The following CCDC141 variants were observed in gnomAD, a reference collection of about 807,000 sequenced individuals.
CCDC141 encodes coiled-coil domain containing 141.
A neutral mutation model predicts 181.0 loss-of-function variants in CCDC141; 168 were observed. That is an observed-to-expected ratio of 0.93 (90% CI 0.82 to 1.05). CCDC141 has a LOEUF of 1.05. CCDC141 is among the 50% of genes least tolerant of loss of function. The pLI, the probability that CCDC141 is intolerant of heterozygous loss-of-function variation, is 0.00. For missense variants in CCDC141, 1,902 were observed against 1,788.5 expected (o/e 1.06, Z -1.14); for synonymous variants, 666 against 642.3 (o/e 1.04, Z -0.56).
rs1236410024 is a variant in CCDC141 at position 178,833,591 on chromosome 2, C to T, written c.*582G>A. On this transcript the variant is annotated 3_prime_UTR_variant, in exon 24 of 24. Transcript: ENST00000443758. ...GGCACATCTATCCTCCAATGTCAAA[C>T]CCGTGAGAGCAACATGAGGAATGAT... 1 of 152,764 alleles carries T rather than the reference C, an allele frequency of 6.5e-6. No homozygotes were observed. The highest frequency in any genetic ancestry group is 1.5e-5 in the Non-Finnish European group (1 of 68,486). 9.5% of individuals were successfully genotyped at this position (152,764 alleles called of 1,614,324 possible). A position where few individuals can be genotyped will look rare whatever the true frequency, so the allele number is the denominator to read the frequency against.
chr2:178,913,891 A>G lies in CCDC141; in HGVS notation c.1092+4822T>C, dbSNP rs74810883. 6.1e-4 allele frequency among the ~76,000 whole-genome samples: 93 copies of G among 152,294 alleles called. 1 individual carries two copies. The highest frequency in any genetic ancestry group is 1.9e-3 in the African/African-American group (77 of 41,556). ...AAATGGAAGGCATAGGACACGATAC[A>G]TTATGACCAATCAGTCATGTTTTAC... is the stretch of plus-strand genomic sequence containing the variant. On this transcript the variant is annotated intron_variant, in intron 7 of 23. Transcript: ENST00000443758.
At chr2:179,012,868 AT>A (rs2042309909) in intron 2 of CCDC141, among the ~76,000 whole-genome samples, 1 of 152,208 alleles carries the variant, frequency 6.6e-6, no homozygotes, top group East Asian at 1.9e-4. Context: ...CAAAAATCAC[AT>A]GATCATCTCA....
chr2:178,965,230 G>A (rs907615263), intron 4 of CCDC141, among the ~76,000 whole-genome samples: 9 of 152,154 alleles, frequency 5.9e-5, no homozygotes, highest in Admixed American at 3.3e-4. Context: ...TAATTAACAG[G>A]TATTTTCAAA....
At chr2:178,870,393 G>A (rs1686063609) in intron 14 of CCDC141, among the ~76,000 whole-genome samples, 1 of 152,102 alleles carries the variant, frequency 6.6e-6, no homozygotes. Flanking sequence ...TCAAGTTCAA[G>A]CATTTGGGCA....
At position 178,847,059 on chromosome 2, in the gene CCDC141, C is replaced by T. The variant is rs138756987; in HGVS notation, c.3358-1317G>A. On this transcript the variant is annotated intron_variant, in intron 21 of 23. Transcript: ENST00000443758. ...AGCATTCTTTGGGAAGCGTTTGTTG[C>T]GGCTGTAACTCATAAAGATAATGCT... is the stretch of plus-strand genomic sequence containing the variant. Among the ~76,000 whole-genome samples the T allele has an allele frequency of 5.3e-5, 8 of 152,286 alleles. No homozygotes were observed. In the East Asian group the frequency reaches 5.8e-4, roughly 11 times the overall value.
chr2:178,826,462 T>C (rs1386852819), downstream of CCDC141, among the ~76,000 whole-genome samples: 2 of 152,208 alleles, frequency 1.3e-5, no homozygotes, highest in Non-Finnish European at 2.9e-5. Flanking sequence ...AAAAGAGTTC[T>C]CTCTGCTTCT....
At chr2:178,902,482 C>A (rs1687746263) in intron 8 of CCDC141, among the ~76,000 whole-genome samples, 1 of 152,082 alleles carries the variant, frequency 6.6e-6, no homozygotes, top group East Asian at 1.9e-4. Flanking sequence ...CTTTGACAAA[C>A]CTGGCAAAAA....
intron 2 of CCDC141, among the ~76,000 whole-genome samples, chr2:179,008,959 A>G (rs6757050): frequency 0.85 from 128,924 of 152,212 alleles, 55,004 homozygotes; most frequent in East Asian, 0.94. Flanking sequence ...GGCCTTCTGC[A>G]TTTCAGCCAC....
At chr2:178,945,295 A>C (rs1376297646) in intron 5 of CCDC141, among the ~76,000 whole-genome samples, 1 of 152,168 alleles carries the variant, frequency 6.6e-6, no homozygotes, top group African/African-American at 2.4e-5. Context: ...TATCTCAATT[A>C]AAGGAGACTT....
intron 5 of CCDC141, among the ~76,000 whole-genome samples, chr2:178,948,074 C>T (rs1291980443): frequency 6.6e-6 from 1 of 151,950 alleles, no homozygotes; most frequent in Non-Finnish European, 1.5e-5. Context: ...GTAGCACACA[C>T]CTGTAGTCCC....
In CCDC141 at chr2:178,832,338, G is replaced by C. The variant is rs1436586626; in HGVS notation, c.*1835C>G. 2 of 151,832 alleles carry C rather than the reference G, an allele frequency of 1.3e-5. No homozygotes were observed. The highest frequency in any genetic ancestry group is 1.3e-4 in the Admixed American group (2 of 15,228). 9.4% of individuals were successfully genotyped at this position (151,832 alleles called of 1,614,324 possible). ...GTTTCTACTAAAAATGTAAATATTA[G>C]GTAGGCATGCCTGTAATCCTAGCTA... On this transcript the variant is annotated 3_prime_UTR_variant, in exon 24 of 24. Transcript: ENST00000443758.
intron 6 of CCDC141, among the ~76,000 whole-genome samples, chr2:178,938,707 AC>A (rs1689389135): frequency 2.0e-5 from 3 of 152,112 alleles, no homozygotes; most frequent in Admixed American, 2.0e-4. Context: ...GAAGTCTCCC[AC>A]TATTATTGTC....
chr2:178,924,830 A>G (rs891849219), intron 6 of CCDC141, among the ~76,000 whole-genome samples: 2 of 152,214 alleles, frequency 1.3e-5, no homozygotes, highest in Non-Finnish European at 2.9e-5. Context: ...CACCTCCCAG[A>G]CATATGGTAG....
chr2:178,852,097 C>T lies in CCDC141; in HGVS notation c.3244+1344G>A, dbSNP rs758732458. The stretch of plus-strand genomic sequence containing the variant: ...TAGACAGTGAACTAACAAGCAAAAT[C>T]GCTCCTCAAATACAGCTTACACTCT... On this transcript the variant is annotated intron_variant, in intron 20 of 23. Transcript: ENST00000443758. Among the ~76,000 whole-genome samples, 8 of 152,128 alleles carry T rather than the reference C, an allele frequency of 5.3e-5. No homozygotes were observed. In the East Asian group the frequency reaches 9.6e-4, roughly 18 times the overall value.
intron 2 of CCDC141, among the ~76,000 whole-genome samples, chr2:179,023,323 C>T (rs2042739929): frequency 6.6e-6 from 1 of 152,062 alleles, no homozygotes; most frequent in African/African-American, 2.4e-5. Context: ...GAAACTGAGG[C>T]AGAAAGAGGA....
chr2:179,010,536 TA>T (rs1408864792), intron 2 of CCDC141, among the ~76,000 whole-genome samples: 1 of 152,154 alleles, frequency 6.6e-6, no homozygotes, highest in Non-Finnish European at 1.5e-5. Flanking sequence ...AAGAATTTTG[TA>T]TCCAGCAAAC....
At chr2:178,996,870 G>C (rs865817597) in intron 2 of CCDC141, among the ~76,000 whole-genome samples, 3 of 152,344 alleles carry the variant, frequency 2.0e-5, no homozygotes, top group Admixed American at 6.5e-5. Flanking sequence ...GTAGAAAACT[G>C]TCTGATTCAA....
At chr2:178,873,853 T>C (rs1006786876) in intron 12 of CCDC141, 2 of 152,208 alleles carry the variant, frequency 1.3e-5, no homozygotes, top group Admixed American at 1.3e-4. Flanking sequence ...GGTTTTCTGA[T>C]GTCTTGCTTT....
At chr2:179,000,755 T>A (rs559782714) in intron 2 of CCDC141, among the ~76,000 whole-genome samples, 1 of 152,292 alleles carries the variant, frequency 6.6e-6, no homozygotes, top group Non-Finnish European at 1.5e-5. Flanking sequence ...TGTAGACCCC[T>A]CTTGTGTTCA....
Sources: gnomAD v4.1 joint callset for allele counts (sites outside exome capture counted in the v4.1 genomes callset) on GRCh38, gnomAD v4.1.1 for gene constraint, MANE v1.5 for transcripts, NCBI Gene and HGNC (gene_info 2026-07-23, HGNC 2026-07-21) for gene names.